Variants in GTPBP1 observed in about 807,000 individuals in gnomAD.
GTPBP1 encodes the protein GTP-binding protein 1.
Under a neutral mutation model 62.0 loss-of-function variants are expected in GTPBP1, and 23 were observed. The ratio of observed to expected loss-of-function variants is 0.37; its 90% CI spans 0.27 to 0.53. GTPBP1 has a LOEUF of 0.53. GTPBP1 is among the 20% of genes least tolerant of loss of function. GTPBP1 has a pLI of 0.89. For synonymous variants in GTPBP1, 344 were observed against 364.4 expected, an observed-to-expected ratio of 0.94 and a Z score of 0.64; for missense variants, 640 against 917.3, an observed-to-expected ratio of 0.70 and a Z score of 3.90.
At chr22:38,713,892 G>A (rs2047355538) in intron 2 of GTPBP1, among the ~76,000 whole-genome samples, 2 of 152,188 alleles carry the variant, frequency 1.3e-5, no homozygotes, top group Non-Finnish European at 2.9e-5. Flanking sequence ...TCTGGGCATA[G>A]GATGGTGTTA....
chr22:38,739,489 T>C, downstream of GTPBP1: 1 of 1,581,484 alleles, frequency 6.3e-7, no homozygotes, highest in Non-Finnish European at 8.7e-7. This position sits in a 1 kb window ranked among gnomAD's most constrained non-coding sequence, Gnocchi z 6.7. Flanking sequence ...TGTCACCTCG[T>C]GGCCGTGGGC....
intron 5 of GTPBP1, 64 bp downstream of exon 5, chr22:38,721,929 G>C: frequency 7.6e-7 from 1 of 1,311,602 alleles, no homozygotes; most frequent in Non-Finnish European, 1.0e-6. Context: ...TGTGCCTTCA[G>C]GTGGTCTGCT....
downstream of GTPBP1, among the ~76,000 whole-genome samples, chr22:38,737,139 G>A (rs1231340350): frequency 5.3e-5 from 8 of 152,126 alleles, no homozygotes; most frequent in African/African-American, 1.4e-4. The surrounding 1 kb of genome is among the most constrained non-coding windows in gnomAD (Gnocchi z 4.1). Flanking sequence ...GAGCCACCTC[G>A]TCTGGCCTCT....
chr22:38,740,525 G>A (rs149382856), downstream of GTPBP1: 73 of 1,343,120 alleles, frequency 5.4e-5, no homozygotes, highest in Admixed American at 1.6e-3. The surrounding 1 kb of genome is among the most constrained non-coding windows in gnomAD (Gnocchi z 4.8). Context: ...GTGGGCTCCC[G>A]TCAGGAGAGC....
downstream of GTPBP1, among the ~76,000 whole-genome samples, chr22:38,733,940 G>C (rs555374546): frequency 6.6e-6 from 1 of 152,350 alleles, no homozygotes; most frequent in Non-Finnish European, 1.5e-5. Context: ...GTTTATTGGT[G>C]CTGCGTGGGG....
rs906783515 is a variant in GTPBP1, at chr22:38,731,457, G to A, written c.*753G>A. The A allele has an allele frequency of 6.6e-6, 1 of 152,632 alleles. No individual in the cohort carries two copies. Among genetic ancestry groups the A allele is most frequent in the East Asian group, 1.9e-4 (1 of 5,194 alleles). The allele number at this position is 152,632 out of a possible 1,614,324, so 9.5% of individuals were successfully genotyped here. On this transcript the variant is annotated 3_prime_UTR_variant, in exon 12 of 12. Transcript: ENST00000216044. The stretch of plus-strand genomic sequence containing the variant: ...GGGATTATAGGACTCTCCCCATCTC[G>A]GGCCCTGACCCTGACCCTTGCCACC...
intron 2 of GTPBP1, among the ~76,000 whole-genome samples, chr22:38,714,163 G>A (rs1003793339): frequency 3.9e-5 from 6 of 152,164 alleles, no homozygotes; most frequent in Non-Finnish European, 7.3e-5. Flanking sequence ...GTCAAGAAGA[G>A]GGCATTAGAG....
At chr22:38,728,250 C>A in intron 10 of GTPBP1, 89 bp downstream of exon 10, 1 of 921,682 alleles carries the variant, frequency 1.1e-6, no homozygotes. Flanking sequence ...GAGGTTTAGT[C>A]ACTGCCATGG....
downstream of GTPBP1, chr22:38,736,608 A>T (rs1038900070): frequency 2.6e-5 from 10 of 387,574 alleles, no homozygotes; most frequent in African/African-American, 2.1e-4. Flanking sequence ...CTGAAACCGG[A>T]ATGAATTCAT....
At chr22:38,715,547 T>G (rs1185717935) in intron 2 of GTPBP1, among the ~76,000 whole-genome samples, 1 of 152,206 alleles carries the variant, frequency 6.6e-6, no homozygotes, top group African/African-American at 2.4e-5. Flanking sequence ...AGTGCAGCAC[T>G]TGAGCTGTAT....
chr22:38,739,749 T>C, downstream of GTPBP1: 1 of 1,613,700 alleles, frequency 6.2e-7, no homozygotes, highest in East Asian at 2.2e-5. This position sits in a 1 kb window ranked among gnomAD's most constrained non-coding sequence, Gnocchi z 6.7. Flanking sequence ...TCACACCTTC[T>C]TTCTGCAGCG....
chr22:38,722,878 T>G, intron 5 of GTPBP1: 2 of 1,372,834 alleles, frequency 1.5e-6, no homozygotes, highest in South Asian at 2.3e-5. Flanking sequence ...AAGTGGAGGG[T>G]TTCTTCCACG....
At chr22:38,722,924 C>A in intron 5 of GTPBP1, 1 of 1,040,414 alleles carries the variant, frequency 9.6e-7, no homozygotes, top group Non-Finnish European at 1.5e-6. Context: ...CGCTCAAGTG[C>A]TTGATGACTC....
rs1244986338 is a variant in GTPBP1, at chr22:38,733,045, A to T, written c.*2341A>T. ...TGAAGCTCAGAGAGGTGTCACCAGCAGGTGTTCATTCCCATGCCAGCCTTG... is the reference window on the plus strand; with the variant it reads ...TGAAGCTCAGAGAGGTGTCACCAGCTGGTGTTCATTCCCATGCCAGCCTTG... On this transcript the variant is annotated 3_prime_UTR_variant, in exon 12 of 12. Transcript: ENST00000216044. The T allele has an allele frequency of 6.6e-6, 1 of 152,338 alleles. No individual in the cohort carries two copies. Among genetic ancestry groups the T allele is most frequent in the Admixed American group, 6.5e-5 (1 of 15,282 alleles). The allele number at this position is 152,338 out of a possible 1,614,324, so 9.4% of individuals were successfully genotyped here. A position where few individuals can be genotyped will look rare whatever the true frequency, so the allele number is the denominator to read the frequency against.
chr22:38,742,046 G>C (rs942654977), downstream of GTPBP1, among the ~76,000 whole-genome samples: 1 of 152,034 alleles, frequency 6.6e-6, no homozygotes, highest in African/African-American at 2.4e-5. Flanking sequence ...GGCTGAGTGA[G>C]GCAAGAGAAT....
Position 38,706,155 on chromosome 22 carries a change from C to G in GTPBP1, c.192+8C>G. 1 of 1,237,046 alleles carries G rather than the reference C, an allele frequency of 8.1e-7. No individual in the cohort carries two copies. Among genetic ancestry groups the G allele is most frequent in the South Asian group, 3.5e-5 (1 of 28,372 alleles). 76.6% of individuals were successfully genotyped at this position (1,237,046 alleles called of 1,614,324 possible). On this transcript the variant is annotated splice_region_variant and intron_variant, in intron 1 of 11. Transcript: ENST00000216044. ...CTGGACCTCACCAGCAAGGTAGGCC[C>G]GGGCGGCGGCGGCGGGCGCTGAGGG...
At chr22:38,742,713 G>A (rs1307324408), downstream of GTPBP1, 5 of 941,566 alleles carry the variant, frequency 5.3e-6, no homozygotes, top group Non-Finnish European at 7.6e-6. Flanking sequence ...CGTGGGCAGG[G>A]GCTGCCGACC....
chr22:38,723,285 C>T, intron 5 of GTPBP1: 1 of 900,746 alleles, frequency 1.1e-6, no homozygotes, highest in Non-Finnish European at 1.9e-6. Context: ...ATGGCTGTAC[C>T]CTTAAAATAG....
At chr22:38,742,826 G>A, downstream of GTPBP1, 1 of 421,492 alleles carries the variant, frequency 2.4e-6, no homozygotes, top group Non-Finnish European at 4.3e-6. Context: ...GAGGAAGGAA[G>A]GTGGGCCGGG....
Sources: allele counts gnomAD v4.1 joint callset (sites outside exome capture counted in the v4.1 genomes callset), GRCh38; gene constraint gnomAD v4.1.1; non-coding constraint Gnocchi (gnomAD v3.1); transcripts MANE v1.5; gene names NCBI Gene and HGNC (gene_info 2026-07-23, HGNC 2026-07-21).